MIER3: variants seen among roughly 807,000 people sequenced by gnomAD.
The protein encoded by MIER3 is MIER family member 3.
MIER3 carries 9 observed loss-of-function variants against 63.2 expected under a neutral mutation model. That is an observed-to-expected ratio of 0.14 (90% CI 0.09 to 0.25). The LOEUF (loss-of-function observed/expected upper bound fraction) is 0.25. Ranked by LOEUF, MIER3 falls within the 10% of genes least tolerant of loss-of-function variation. The pLI, the probability that MIER3 is intolerant of heterozygous loss-of-function variation, is 1.00. For synonymous variants in MIER3, 205 were observed against 224.9 expected (o/e 0.91, Z 0.79); for missense variants, 512 against 666.2 (o/e 0.77, Z 2.55).
At chr5:56,928,989 T>TCA in intron 9 of MIER3, 128 bp from the exon 10 acceptor site, 1 of 468,992 alleles carries the variant, frequency 2.1e-6, no homozygotes, top group Admixed American at 4.0e-5. Flanking sequence ...ACACTCTCTC[T>TCA]CTCACACACA....
intron 7 of MIER3, among the ~76,000 whole-genome samples, chr5:56,934,628 G>A (rs1750378357): frequency 6.6e-6 from 1 of 152,142 alleles, no homozygotes; most frequent in Non-Finnish European, 1.5e-5. Context: ...AAGCAGTTTA[G>A]GAAAACGGTG....
chr5:56,936,040 G>C (rs980935089), intron 5 of MIER3, among the ~76,000 whole-genome samples: 3 of 151,816 alleles, frequency 2.0e-5, no homozygotes, highest in African/African-American at 7.3e-5. Context: ...CAGCCTGGCC[G>C]ACAGGCTCTA....
At chr5:56,949,627 T>C (rs1750947994) in intron 2 of MIER3, among the ~76,000 whole-genome samples, 5 of 152,174 alleles carry the variant, frequency 3.3e-5, no homozygotes, top group Admixed American at 2.0e-4. Flanking sequence ...TAAATGACAG[T>C]CAAGTGAGGC....
chr5:56,937,724 C>G (rs2591967), intron 4 of MIER3, 26 bp from the exon 5 acceptor site: 433,616 of 1,585,188 alleles, frequency 0.27, 63,422 homozygotes, highest in East Asian at 0.55. Context: ...GGCAGTGCTA[C>G]AGTTAGAAAT....
At position 56,919,651 on chromosome 5, in the gene MIER3, T is replaced by A. The variant is rs1749572458; in HGVS notation, c.*3477A>T. ...TGGAACTGTACACCAGGTATTAAAG[T>A]ACAACAAATACAAAATAATGCTCAA... On this transcript the variant is annotated 3_prime_UTR_variant, in exon 13 of 13. Transcript: ENST00000381199. 6.6e-6 allele frequency: 1 copy of A among 152,580 alleles called. No homozygotes were observed. The highest frequency in any genetic ancestry group is 2.4e-5 in the African/African-American group (1 of 41,452). 9.5% of individuals were successfully genotyped at this position (152,580 alleles called of 1,614,324 possible).
intron 10 of MIER3, among the ~76,000 whole-genome samples, chr5:56,924,969 G>T (rs1189976459): frequency 2.0e-5 from 3 of 152,174 alleles, no homozygotes; most frequent in South Asian, 2.1e-4. Flanking sequence ...GAGAATGCAG[G>T]CTTCGTGGGG....
intron 4 of MIER3, 83 bp from the exon 5 acceptor site, chr5:56,937,781 T>C: frequency 7.9e-7 from 1 of 1,273,412 alleles, no homozygotes; most frequent in Non-Finnish European, 1.0e-6. Context: ...TAACATATCA[T>C]TAAGAAGCAG....
At chr5:56,929,424 G>A (rs1750176083) in intron 9 of MIER3, 1 of 152,186 alleles carries the variant, frequency 6.6e-6, no homozygotes, top group Non-Finnish European at 1.5e-5. Context: ...AACTAGCCAG[G>A]CGTGGTGGCG....
At chr5:56,930,330 A>G (rs1432693207) in intron 9 of MIER3, among the ~76,000 whole-genome samples, 6 of 146,666 alleles carry the variant, frequency 4.1e-5, no homozygotes, top group African/African-American at 1.5e-4. Flanking sequence ...TGTCTGGCTG[A>G]AAAAAAAAAA....
At position 56,921,601 on chromosome 5, in the gene MIER3, TCA is replaced by T. The variant is rs1288298769; in HGVS notation, c.*1525_*1526del. 18 of 152,736 alleles carry T rather than the reference TCA, an allele frequency of 1.2e-4. No homozygotes were observed. The highest frequency in any genetic ancestry group is 3.9e-4 in the East Asian group (2 of 5,182). The allele number at this position is 152,736 out of a possible 1,614,324, so 9.5% of individuals were successfully genotyped here. ...CCAAAACTAAGGATGTCATTGCAGT[TCA>T]CAGTTTGTATAATAAATACCCTCCC... On this transcript the variant is annotated 3_prime_UTR_variant, in exon 13 of 13. Coordinates refer to ENST00000381199, the MANE Select transcript of MIER3 (RefSeq NM_001297599.2).
At chr5:56,947,242 T>G (rs748132847) in intron 2 of MIER3, 171 bp from the exon 3 acceptor site, 19 of 627,842 alleles carry the variant, frequency 3.0e-5, no homozygotes, top group Non-Finnish European at 4.7e-5. Flanking sequence ...ATTCTGAAAA[T>G]ATGTCTAAAT....
chr5:56,932,495 A>G (rs760343207), intron 8 of MIER3, among the ~76,000 whole-genome samples: 1 of 152,188 alleles, frequency 6.6e-6, no homozygotes, highest in Non-Finnish European at 1.5e-5. Context: ...TGACTTCCCT[A>G]TGTTACTTCA....
chr5:56,923,378 A>G lies in MIER3; in HGVS notation c.1403T>C (p.Met468Thr), dbSNP rs1240909675. The G allele has an allele frequency of 2.2e-5, 36 of 1,614,068 alleles. No individual in the cohort carries two copies. The Admixed American group carries it at 5.8e-4, about 26-fold the overall frequency. The change falls in exon 13 of 13, where the codon ATG (methionine) becomes ACG (threonine). Residue 468 changes from methionine to threonine, a missense_variant. Met to Thr is a moderately conservative substitution (Grantham distance 81, BLOSUM62 -1). Transcript: ENST00000381199. ...CTCTGACTCTTCACTGCACATGTTC[A>G]TAGGGTTTAGCTCCGAGTGATAAAA... ...TGFYHSELNP[M>T]NMCSEESERP...
At chr5:56,925,240 T>C (rs1424355359) in intron 10 of MIER3, 3 of 383,832 alleles carry the variant, frequency 7.8e-6, no homozygotes, top group Non-Finnish European at 1.5e-5. Context: ...TCAACATCAA[T>C]ACTGGAAGGT....
At position 56,938,913 on chromosome 5, in the gene MIER3, T is replaced by C; in HGVS notation, c.285A>G (p.Ala95=). The C allele has an allele frequency of 6.2e-7, 1 of 1,614,170 alleles. No individual in the cohort carries two copies. The highest frequency in any genetic ancestry group is 8.5e-7 in the Non-Finnish European group (1 of 1,180,002). The part of the protein sequence containing the change: ...SSANSSPSEL[A]DELPDMTLDK... The stretch of plus-strand genomic sequence containing the variant: ...CTAGTGTCATGTCTGGTAGTTCATC[T>C]GCCAGTTCACTTGGGGAACTATTTG... The change falls in exon 4 of 13, where the codon GCA becomes GCG. Residue 95 remains alanine (A), a synonymous_variant. Coordinates refer to ENST00000381199, the MANE Select transcript of MIER3 (RefSeq NM_001297599.2).
rs1749810757 is a variant in MIER3 at position 56,923,813 on chromosome 5, A to G, written c.1073T>C (p.Val358Ala). The change falls in exon 12 of 13, where the codon GTA (valine) becomes GCA (alanine). Residue 358 changes from valine to alanine, a missense_variant. This residue lies in a region of MIER3 where 218 missense variants were observed against 251.2 expected (regional missense o/e 0.87). Coordinates refer to ENST00000381199, the MANE Select transcript of MIER3 (RefSeq NM_001297599.2). ...PGVTDYMDRL[V>A]DETEALGGTV... ...CCCACCCAAAGCTTCTGTTTCATCT[A>G]CTAAACGATCCATATAGTCCCTGAA... is the stretch of plus-strand genomic sequence containing the variant. The G allele has an allele frequency of 6.2e-7, 1 of 1,614,190 alleles. No individual in the cohort carries two copies. The highest frequency in any genetic ancestry group is 1.7e-5 in the Admixed American group (1 of 60,022).
intron 2 of MIER3, 53 bp downstream of exon 2, chr5:56,950,575 G>A (rs1215058236): frequency 6.3e-7 from 1 of 1,588,678 alleles, no homozygotes; most frequent in African/African-American, 1.4e-5. Context: ...ACAGACCTTT[G>A]AGCCCACATT....
Position 56,937,716 on chromosome 5 carries a change from C to A in MIER3, c.316-18G>T. On this transcript the variant is annotated intron_variant, in intron 4 of 12. Coordinates refer to ENST00000381199, the MANE Select transcript of MIER3 (RefSeq NM_001297599.2). Reference sequence around the variant, plus strand: ...ATTTCCTCCTGGAAGAATAAGAAGGCAGTGCTACAGTTAGAAATGATTACA... The same window carrying A: ...ATTTCCTCCTGGAAGAATAAGAAGGAAGTGCTACAGTTAGAAATGATTACA... 1 of 1,595,046 alleles carries A rather than the reference C, an allele frequency of 6.3e-7. No individual in the cohort carries two copies. Among genetic ancestry groups the A allele is most frequent in the Non-Finnish European group, 8.5e-7 (1 of 1,170,776 alleles).
Position 56,922,757 on chromosome 5 carries a change from T to C in MIER3, c.*371A>G, listed in dbSNP as rs1749732630. The C allele has an allele frequency of 4.4e-6, 1 of 224,868 alleles. No homozygotes were observed. The highest frequency in any genetic ancestry group is 2.2e-5 in the African/African-American group (1 of 44,768). The allele number at this position is 224,868 out of a possible 1,614,324, so 13.9% of individuals were successfully genotyped here. On this transcript the variant is annotated 3_prime_UTR_variant, in exon 13 of 13. Coordinates refer to ENST00000381199, the MANE Select transcript of MIER3 (RefSeq NM_001297599.2). The stretch of plus-strand genomic sequence containing the variant: ...ACCATTCAGTTCAGAACATCTGTGC[T>C]GGTTTTGAGCTGGTGGCCTCTGTCT...
Sources: gnomAD v4.1 joint callset for allele counts (sites outside exome capture counted in the v4.1 genomes callset) on GRCh38, gnomAD v4.1.1 for gene constraint, gnomAD v4.1.1 regional missense constraint, MANE v1.5 for transcripts, NCBI Gene and HGNC (gene_info 2026-07-23, HGNC 2026-07-21) for gene names.